CEP295: variants seen among roughly 807,000 people sequenced by gnomAD.
CEP295 encodes centrosomal protein of 295 kDa.
CEP295 carries 190 observed loss-of-function variants against 291.6 expected under a neutral mutation model. The ratio of observed to expected loss-of-function variants is 0.65; its 90% CI spans 0.58 to 0.73. The LOEUF is 0.73. Ranked by LOEUF, CEP295 falls within the 30% of genes least tolerant of loss-of-function variation. The pLI, the probability that CEP295 is intolerant of heterozygous loss-of-function variation, is 0.00. For missense variants in CEP295, 2,863 were observed against 2,949.4 expected (o/e 0.97, Z 0.68); for synonymous variants, 993 against 1,038.8 (o/e 0.96, Z 0.85).
chr11:93,685,397 C>T (rs753150547), intron 9 of CEP295, among the ~76,000 whole-genome samples: 3 of 151,914 alleles, frequency 2.0e-5, no homozygotes, highest in Non-Finnish European at 4.4e-5. Flanking sequence ...CACCCTACAC[C>T]GTGAACGTAG....
rs753000010 is a variant in CEP295 at position 93,698,573 on chromosome 11, A to G, written c.3661A>G (p.Ile1221Val). The G allele has an allele frequency of 1.4e-5, 22 of 1,552,054 alleles. No individual in the cohort carries two copies. The highest frequency in any genetic ancestry group is 1.1e-4 in the African/African-American group (8 of 73,046). ...TGAATCTGAGAGATTCCAGGAATGT[A>G]TATCAATCAAGAGTGACAGTACCAT... Reference protein sequence around the residue: ...VDESERFQECISIKSDSTIPL... With the variant: ...VDESERFQECVSIKSDSTIPL... The change falls in exon 15 of 30, where the codon ATA (isoleucine) becomes GTA (valine). Residue 1221 changes from isoleucine to valine, a missense_variant. Transcript: ENST00000325212.
chr11:93,699,324 CTTCT>C lies in CEP295; in HGVS notation c.4413_4416del (p.Ser1472LeufsTer40), dbSNP rs1315322431. On this transcript the variant is annotated frameshift_variant, in exon 15 of 30. Coordinates refer to ENST00000325212, the MANE Select transcript of CEP295 (RefSeq NM_033395.2). LOFTEE classifies it high-confidence loss of function. ...TTGCATGCACAGACAGATTTCCTTC[CTTCT>C]ATTGAGAAAACCCAGAAAGAATTGG... 1.3e-6 allele frequency: 2 copies of C among 1,552,052 alleles called. No homozygotes were observed. Among genetic ancestry groups the C allele is most frequent in the Admixed American group, 2.0e-5 (1 of 50,996 alleles).
intron 6 of CEP295, among the ~76,000 whole-genome samples, chr11:93,677,941 G>C (rs1340710117): frequency 6.6e-6 from 1 of 151,934 alleles, no homozygotes; most frequent in Non-Finnish European, 1.5e-5. Flanking sequence ...AATCTATAGG[G>C]GATTGTCTTC....
intron 18 of CEP295, among the ~76,000 whole-genome samples, chr11:93,708,926 T>A (rs1411454636): frequency 2.0e-5 from 3 of 152,232 alleles, no homozygotes; most frequent in African/African-American, 4.8e-5. Context: ...TTCATTTGCC[T>A]GTTTGCCATT....
In CEP295 at chr11:93,697,078, C is replaced by G. The variant is rs752763960; in HGVS notation, c.2166C>G (p.Asp722Glu). 7.7e-6 allele frequency: 12 copies of G among 1,551,536 alleles called. No homozygotes were observed. The highest frequency in any genetic ancestry group is 8.7e-7 in the Non-Finnish European group (1 of 1,146,994). ...CTCAGACTGAAACACAACAGAGAGA[C>G]TATAAATTGGTCCCCAAAGATTCTG... ...QFSQTETQQR[D>E]YKLVPKDSET... Residue 722 changes from aspartate (D) to glutamate (E), a missense_variant, in exon 15 of 30, where the codon GAC becomes GAG. By Grantham distance (45) the Asp-to-Glu change is conservative. Coordinates refer to ENST00000325212, the MANE Select transcript of CEP295 (RefSeq NM_033395.2).
At chr11:93,679,288 T>C in intron 6 of CEP295, 124 bp from the exon 7 acceptor site, 1 of 824,228 alleles carries the variant, frequency 1.2e-6, no homozygotes, top group Non-Finnish European at 1.9e-6. Context: ...GTGGACATTT[T>C]AAAATATAAC....
At chr11:93,669,056 A>G in intron 4 of CEP295, 124 bp downstream of exon 4, 3 of 547,358 alleles carry the variant, frequency 5.5e-6, no homozygotes, top group Non-Finnish European at 6.3e-6. Flanking sequence ...CATTTGTTAA[A>G]CTTGATTTAA....
chr11:93,698,289 T>A lies in CEP295; in HGVS notation c.3377T>A (p.Leu1126His), dbSNP rs530514429. Residue 1126 changes from leucine to histidine, a missense_variant, in exon 15 of 30, where the codon CTT becomes CAT. Coordinates refer to ENST00000325212, the MANE Select transcript of CEP295 (RefSeq NM_033395.2). ...GCTGAGCCTAGGAGAATTCAGGAGC[T>A]TTATTTATCTGAGAAGGAGAATGTA... is the stretch of plus-strand genomic sequence containing the variant. ...AKAEPRRIQE[L>H]YLSEKENVGP... 3 of 1,551,828 alleles carry A rather than the reference T, an allele frequency of 1.9e-6. No individual in the cohort carries two copies. Among genetic ancestry groups the A allele is most frequent in the Admixed American group, 2.0e-5 (1 of 50,990 alleles).
intron 2 of CEP295, among the ~76,000 whole-genome samples, chr11:93,667,266 C>G (rs11020473): frequency 1.3e-5 from 2 of 152,182 alleles, no homozygotes; most frequent in Non-Finnish European, 2.9e-5. Context: ...AAATGGAGTT[C>G]TCATCTGGCT....
chr11:93,676,797 A>G (rs762152423), intron 6 of CEP295, among the ~76,000 whole-genome samples: 81 of 151,974 alleles, frequency 5.3e-4, no homozygotes, highest in Admixed American at 1.0e-3. Context: ...TGCTGATGGT[A>G]TTAAATTAAT....
At chr11:93,669,504 A>G (rs1950335842) in intron 4 of CEP295, among the ~76,000 whole-genome samples, 173 bp from the exon 5 acceptor site, 1 of 151,834 alleles carries the variant, frequency 6.6e-6, no homozygotes, top group South Asian at 2.1e-4. Flanking sequence ...GCCTCTCTCA[A>G]TTTGTAAACA....
intron 18 of CEP295, among the ~76,000 whole-genome samples, chr11:93,716,906 C>T (rs1337664017): frequency 6.6e-6 from 1 of 152,136 alleles, no homozygotes; most frequent in Non-Finnish European, 1.5e-5. Context: ...TGATGTACTT[C>T]TTAGACAAAA....
At position 93,697,927 on chromosome 11, in the gene CEP295, T is replaced by G. The variant is rs914416604; in HGVS notation, c.3015T>G (p.Thr1005=). ...FPFQVAQHTF[T]SLPSADTKSG... ...TTCAGGTAGCTCAGCATACATTTAC[T>G]TCACTACCATCTGCTGATACAAAAT... Residue 1005 remains threonine, a synonymous_variant, in exon 15 of 30, where the codon ACT becomes ACG. Coordinates refer to ENST00000325212, the MANE Select transcript of CEP295 (RefSeq NM_033395.2). 2 of 1,551,690 alleles carry G rather than the reference T, an allele frequency of 1.3e-6. No homozygotes were observed. The highest frequency in any genetic ancestry group is 1.7e-6 in the Non-Finnish European group (2 of 1,146,966).
Position 93,729,478 on chromosome 11 carries a change from T to C in CEP295, c.7347T>C (p.Asp2449=). The C allele has an allele frequency of 6.4e-7, 1 of 1,551,944 alleles. No individual in the cohort carries two copies. The highest frequency in any genetic ancestry group is 1.2e-5 in the South Asian group (1 of 84,058). The change falls in exon 26 of 30, where the codon GAT becomes GAC. Residue 2449 remains aspartate (D), a synonymous_variant. Transcript: ENST00000325212. ...LPLVSATEAS[D]YPAVSELSIE... is the part of the protein sequence containing the mutation. ...TTGTATCAGCAACAGAAGCCTCAGA[T>C]TATCCAGCTGTATCAGAACTTTCCA...
chr11:93,693,854 A>G (rs1453815636), intron 12 of CEP295, among the ~76,000 whole-genome samples: 4 of 152,402 alleles, frequency 2.6e-5, no homozygotes, highest in Middle Eastern at 3.4e-3. Flanking sequence ...TTTTATATCT[A>G]TGTACAGTAT....
In CEP295 at chr11:93,667,601, C is replaced by T. The variant is rs1950249604; in HGVS notation, c.109-6C>T. 2 of 1,535,410 alleles carry T rather than the reference C, an allele frequency of 1.3e-6. No homozygotes were observed. The highest frequency in any genetic ancestry group is 2.8e-5 in the African/African-American group (2 of 71,942). ...TCATATAACCTGTTAAATATGCATT[C>T]TTTAGGTTCGAGAACAAGAAAGAGA... is the stretch of plus-strand genomic sequence containing the variant. On this transcript the variant is annotated splice_polypyrimidine_tract_variant and splice_region_variant and intron_variant, in intron 2 of 29. Transcript: ENST00000325212.
Position 93,698,136 on chromosome 11 carries a change from A to T in CEP295, c.3224A>T (p.His1075Leu), listed in dbSNP as rs768821330. 1.9e-4 allele frequency: 295 copies of T among 1,552,150 alleles called. No homozygotes were observed. The highest frequency in any genetic ancestry group is 2.4e-4 in the Non-Finnish European group (273 of 1,147,116). The change falls in exon 15 of 30, where the codon CAT becomes CTT. Residue 1075 changes from histidine (H) to leucine (L), a missense_variant. By Grantham distance (99) the His-to-Leu change is moderately conservative. Around this residue, in one of 3 missense-constraint regions of CEP295, gnomAD observed 2,295 missense variants for 2,335.7 expected, o/e 0.98. Transcript: ENST00000325212. ...CAGAGGGATACTCTTCAGGCTAGGC[A>T]TGAAGCTCAGGTGGAATTACTTTTA... is the stretch of plus-strand genomic sequence containing the variant. ...TKQRDTLQARHEAQVELLLHR... is the reference protein window; with the variant it reads ...TKQRDTLQARLEAQVELLLHR...
At chr11:93,663,802 A>G (rs908033199) in intron 1 of CEP295, among the ~76,000 whole-genome samples, 5 of 152,224 alleles carry the variant, frequency 3.3e-5, no homozygotes, top group Non-Finnish European at 7.3e-5. Context: ...GAAGTAATGG[A>G]TACCTAAAAT....
At chr11:93,729,179 G>A in intron 25 of CEP295, 1 of 541,830 alleles carries the variant, frequency 1.8e-6, no homozygotes, top group Non-Finnish European at 3.3e-6. Context: ...TAAGAATAAA[G>A]CTATCTAAAC....
Sources: gnomAD v4.1 joint callset for allele counts (sites outside exome capture counted in the v4.1 genomes callset) on GRCh38, gnomAD v4.1.1 for gene constraint, gnomAD v4.1.1 regional missense constraint, MANE v1.5 for transcripts, NCBI Gene and HGNC (gene_info 2026-07-23, HGNC 2026-07-21) for gene names.